GLB1L: variants seen among roughly 807,000 people sequenced by gnomAD.
GLB1L encodes the protein galactosidase beta 1 like, also known as beta-galactosidase-1-like protein.
A neutral mutation model predicts 75.7 loss-of-function variants in GLB1L; 58 were observed. That is an observed-to-expected ratio of 0.77 (90% CI 0.62 to 0.95). GLB1L has a LOEUF of 0.95. Ranked by LOEUF, GLB1L falls within the 40% of genes least tolerant of loss-of-function variation. The pLI, the probability that GLB1L is intolerant of heterozygous loss-of-function variation, is 0.00. For synonymous variants in GLB1L, 296 were observed against 303.0 expected, an observed-to-expected ratio of 0.98 and a Z score of 0.24; for missense variants, 797 against 805.5, an observed-to-expected ratio of 0.99 and a Z score of 0.13.
At chr2:219,239,721 C>T in intron 8 of GLB1L, 39 bp from the exon 9 acceptor site, 1 of 1,614,202 alleles carries the variant, frequency 6.2e-7, no homozygotes, top group East Asian at 2.2e-5. Flanking sequence ...TGAGATGGAA[C>T]TGAGCTGGAC....
intron 5 of GLB1L, among the ~76,000 whole-genome samples, chr2:219,241,112 G>A (rs1022473068): frequency 1.7e-4 from 25 of 151,190 alleles, no homozygotes; most frequent in South Asian, 6.3e-4. Context: ...CGGGTGCGGC[G>A]GCTCACACCT....
At chr2:219,239,717 G>A in intron 8 of GLB1L, 35 bp from the exon 9 acceptor site, 1 of 1,614,186 alleles carries the variant, frequency 6.2e-7, no homozygotes, top group Non-Finnish European at 8.5e-7. Context: ...TGAGTGAGAT[G>A]GAACTGAGCT....
chr2:219,241,090 TAAC>T lies in GLB1L; in HGVS notation c.452-808_452-806del, dbSNP rs1559266203. On this transcript the variant is annotated intron_variant, in intron 5 of 16. Coordinates refer to ENST00000295759, the MANE Select transcript of GLB1L (RefSeq NM_001286423.2). Reference sequence around the variant, plus strand: ...AGCAAGACTCCGTCTCAAAAAAAAATAACAATTATGCCGGGTGCGGCGGCTCAC... The same window carrying T: ...AGCAAGACTCCGTCTCAAAAAAAAATAATTATGCCGGGTGCGGCGGCTCAC... Among the ~76,000 whole-genome samples, 9 of 130,384 alleles carry T rather than the reference TAAC, an allele frequency of 6.9e-5. No homozygotes were observed. In the East Asian group the frequency reaches 2.1e-3, roughly 30 times the overall value. 85.5% of individuals were successfully genotyped at this position (130,384 alleles called of 152,430 possible). A position where few individuals can be genotyped will look rare whatever the true frequency, so the allele number is the denominator to read the frequency against.
Position 219,243,181 on chromosome 2 carries a change from T to A in GLB1L, c.206A>T (p.Lys69Met), listed in dbSNP as rs767499483. Residue 69 changes from lysine to methionine, a missense_variant, in exon 3 of 17, where the codon AAG becomes ATG. Coordinates refer to ENST00000295759, the MANE Select transcript of GLB1L (RefSeq NM_001286423.2). Reference protein sequence around the residue: ...PRVLWADRLLKMRWSGLNAIQ... With the variant: ...PRVLWADRLLMMRWSGLNAIQ... ...GGCGTTGAGGCCGCTCCATCGCATCTTCAAAAGCCGGTCGGCCCAAAGCAC... is the reference window on the plus strand; with the variant it reads ...GGCGTTGAGGCCGCTCCATCGCATCATCAAAAGCCGGTCGGCCCAAAGCAC... 1.2e-6 allele frequency: 2 copies of A among 1,613,064 alleles called. No homozygotes were observed. The highest frequency in any genetic ancestry group is 1.7e-6 in the Non-Finnish European group (2 of 1,179,556).
At chr2:219,239,866 G>A in intron 7 of GLB1L, 33 bp from the exon 8 acceptor site, 1 of 1,614,128 alleles carries the variant, frequency 6.2e-7, no homozygotes, top group Non-Finnish European at 8.5e-7. Context: ...AAAGATAAAT[G>A]TCGTGGAAGA....
In GLB1L at chr2:219,237,585, G is replaced by T; in HGVS notation, c.1616C>A (p.Thr539Lys). Residue 539 changes from threonine to lysine, a missense_variant, in exon 16 of 17, where the codon ACA becomes AAA. Transcript: ENST00000295759. ...AATTGGAAATGTTTTGGAGTAGAAT[G>T]TGGGGCCAGAAGGAGCTTGAGGATA... ...WPYPQAPSGP[T>K]FYSKTFPILG... is the part of the protein sequence containing the mutation. 1.2e-6 allele frequency: 2 copies of T among 1,614,196 alleles called. No individual in the cohort carries two copies. The highest frequency in any genetic ancestry group is 2.2e-5 in the East Asian group (1 of 44,894).
intron 5 of GLB1L, 99 bp from the exon 6 acceptor site, chr2:219,240,384 C>G: frequency 2.1e-6 from 2 of 950,622 alleles, no homozygotes; most frequent in South Asian, 2.6e-5. Flanking sequence ...ATTCCCAACC[C>G]TAAGCACCTT....
intron 16 of GLB1L, 59 bp from the exon 17 acceptor site, chr2:219,237,406 A>ATCTT: frequency 6.3e-7 from 1 of 1,599,892 alleles, no homozygotes. Context: ...CAGGGGTAGA[A>ATCTT]TCATACCCTT....
intron 11 of GLB1L, 21 bp downstream of exon 11, chr2:219,239,071 C>T: frequency 1.3e-6 from 2 of 1,490,958 alleles, no homozygotes; most frequent in Non-Finnish European, 1.9e-6. Context: ...GCCTTTGGAG[C>T]TTAATGAAAT....
chr2:219,239,175 T>C lies in GLB1L; in HGVS notation c.979A>G (p.Thr327Ala), dbSNP rs1242936271. Residue 327 changes from threonine (T) to alanine (A), a missense_variant, in exon 11 of 17, where the codon ACC (threonine) becomes GCC (alanine). Physicochemically the swap from Thr to Ala is moderately conservative, Grantham distance 58 (BLOSUM62 0). Coordinates refer to ENST00000295759, the MANE Select transcript of GLB1L (RefSeq NM_001286423.2). ...ATAGGTGCATCATAGTCATAGCTGG[T>C]AGTAATCGGAAGGAAGCGTCCCTTC... is the stretch of plus-strand genomic sequence containing the variant. Reference protein sequence around the residue: ...DKKGRFLPITTSYDYDAPISE... With the variant: ...DKKGRFLPITASYDYDAPISE... 2 of 1,613,892 alleles carry C rather than the reference T, an allele frequency of 1.2e-6. No homozygotes were observed. Among genetic ancestry groups the C allele is most frequent in the Admixed American group, 1.7e-5 (1 of 59,940 alleles).
intron 1 of GLB1L, among the ~76,000 whole-genome samples, chr2:219,244,418 G>A (rs1951477875): frequency 6.6e-6 from 1 of 152,172 alleles, no homozygotes; most frequent in Non-Finnish European, 1.5e-5. Context: ...AGAACCAGGG[G>A]AAACCATTGG....
chr2:219,237,117 A>G lies in GLB1L; in HGVS notation c.1920T>C (p.Ala640=). The G allele has an allele frequency of 6.2e-7, 1 of 1,612,954 alleles. No homozygotes were observed. Among genetic ancestry groups the G allele is most frequent in the Non-Finnish European group, 8.5e-7 (1 of 1,178,960 alleles). The change falls in exon 17 of 17, where the codon GCT becomes GCC. Residue 640 remains alanine (A), a synonymous_variant. Coordinates refer to ENST00000295759, the MANE Select transcript of GLB1L (RefSeq NM_001286423.2). ...TTGGTTCAGAGGCACTCAGTGTATC[A>G]GCTGAAAGGGAATTGATATGTGTCC... ...LHRTHINSLS[A]DTLSASEPME...
chr2:219,237,486 AC>A, intron 16 of GLB1L, 25 bp downstream of exon 16: 2 of 1,610,962 alleles, frequency 1.2e-6, no homozygotes, highest in Non-Finnish European at 1.7e-6. Flanking sequence ...CCTCCCCGCT[AC>A]CCAAACCACC....
At chr2:219,241,468 A>C (rs572936564) in intron 5 of GLB1L, among the ~76,000 whole-genome samples, 1 of 142,276 alleles carries the variant, frequency 7.0e-6, no homozygotes, top group South Asian at 2.2e-4. Flanking sequence ...ATATATATAC[A>C]TACATATATA....
intron 14 of GLB1L, 88 bp downstream of exon 14, chr2:219,238,162 G>A (rs1951297734): frequency 6.4e-6 from 7 of 1,092,716 alleles, no homozygotes; most frequent in African/African-American, 3.1e-5. Flanking sequence ...ACAGGCAGGT[G>A]GGAAAGTGTA....
chr2:219,237,245 C>G lies in GLB1L; in HGVS notation c.1792G>C (p.Ala598Pro), dbSNP rs200650413. 20 of 1,614,048 alleles carry G rather than the reference C, an allele frequency of 1.2e-5. No homozygotes were observed. The highest frequency in any genetic ancestry group is 1.6e-5 in the Non-Finnish European group (19 of 1,180,040). The change falls in exon 17 of 17, where the codon GCC becomes CCC. Residue 598 changes from alanine (A) to proline (P), a missense_variant. Coordinates refer to ENST00000295759, the MANE Select transcript of GLB1L (RefSeq NM_001286423.2). ...VPRFLLFPRG[A>P]LNKITLLELE... ...TCCAGCAATGTAATTTTGTTGAGGG[C>G]TCCCCTAGGAAACAGCAGGAATCTT...
Position 219,242,875 on chromosome 2 carries a change from TA to T in GLB1L, c.282del (p.Tyr94Ter). On this transcript the variant is annotated frameshift_variant, in exon 4 of 17. Transcript: ENST00000295759. LOFTEE classifies it high-confidence loss of function. ...ATGAGGTCCCGGCTGCCATTAAAGT[TA>T]TAGACCCCAGGCTGTGGCTCGTGGT... ...WNYHEPQPGV[Y>X]NFNGSRDLIA... 1 of 1,614,220 alleles carries T rather than the reference TA, an allele frequency of 6.2e-7. No individual in the cohort carries two copies. Among genetic ancestry groups the T allele is most frequent in the East Asian group, 2.2e-5 (1 of 44,884 alleles).
At chr2:219,240,385 T>TAAGC in intron 5 of GLB1L, 100 bp from the exon 6 acceptor site, 1 of 949,116 alleles carries the variant, frequency 1.1e-6, no homozygotes. Flanking sequence ...TTCCCAACCC[T>TAAGC]AAGCACCTTG....
At chr2:219,241,011 T>A (rs1951371361) in intron 5 of GLB1L, among the ~76,000 whole-genome samples, 1 of 148,394 alleles carries the variant, frequency 6.7e-6, no homozygotes, top group South Asian at 2.1e-4. Flanking sequence ...TTGAACCCAA[T>A]CGGAGGTTGC....
Sources: gnomAD v4.1 joint callset for allele counts (sites outside exome capture counted in the v4.1 genomes callset) on GRCh38, gnomAD v4.1.1 for gene constraint, MANE v1.5 for transcripts, NCBI Gene and HGNC (gene_info 2026-07-23, HGNC 2026-07-21) for gene names.